The following COL12A1 variants were observed in gnomAD, a reference collection of about 807,000 sequenced individuals.
The protein encoded by COL12A1 is collagen type XII alpha 1 chain.
COL12A1 carries 114 observed loss-of-function variants against 349.7 expected under a neutral mutation model. That is an observed-to-expected ratio of 0.33 (90% CI 0.28 to 0.38). The LOEUF is 0.38. Among genes scored for constraint, COL12A1 ranks in the 10% least tolerant of loss-of-function variants. COL12A1 has a pLI of 1.00. For missense variants in COL12A1, 3,284 were observed against 3,756.9 expected, an observed-to-expected ratio of 0.87 and a Z score of 3.29; for synonymous variants, 1,369 against 1,329.0, an observed-to-expected ratio of 1.03 and a Z score of -0.66.
At chr6:75,176,389 T>G (rs1397458568) in intron 12 of COL12A1, among the ~76,000 whole-genome samples, 7 of 59,836 alleles carry the variant, frequency 1.2e-4, no homozygotes, top group South Asian at 5.1e-4. Context: ...AGTGATGCAG[T>G]GGGAGGTGGG....
chr6:75,187,575 G>A (rs188557368), intron 8 of COL12A1, among the ~76,000 whole-genome samples: 74 of 152,074 alleles, frequency 4.9e-4, no homozygotes, highest in Non-Finnish European at 9.0e-4. Context: ...GATAGATTGA[G>A]AGCCCATGAA....
chr6:75,116,455 C>CA (rs1769084384), intron 47 of COL12A1, among the ~76,000 whole-genome samples: 1 of 152,108 alleles, frequency 6.6e-6, no homozygotes, highest in Non-Finnish European at 1.5e-5. Flanking sequence ...CCAAGCCTCA[C>CA]ACTGGCTACC....
At position 75,086,412 on chromosome 6, in the gene COL12A1, C is replaced by A; in HGVS notation, c.*135G>T. 1.6e-6 allele frequency: 1 copy of A among 635,188 alleles called. No individual in the cohort carries two copies. Among genetic ancestry groups the A allele is most frequent in the Non-Finnish European group, 2.6e-6 (1 of 383,426 alleles). The allele number at this position is 635,188 out of a possible 1,614,324, so 39.3% of individuals were successfully genotyped here. A position where few individuals can be genotyped will look rare whatever the true frequency, so the allele number is the denominator to read the frequency against. On this transcript the variant is annotated 3_prime_UTR_variant, in exon 66 of 66. Coordinates refer to ENST00000322507, the MANE Select transcript of COL12A1 (RefSeq NM_004370.6). ...TCTCCACCCTCCTTTGTGATGTCGA[C>A]CCGGTTCGTTAACCATTATCTGTGG...
intron 51 of COL12A1, among the ~76,000 whole-genome samples, chr6:75,110,362 A>G (rs1768774960): frequency 1.3e-5 from 2 of 152,090 alleles, no homozygotes; most frequent in South Asian, 4.1e-4. Flanking sequence ...ATTGAATGCT[A>G]ACCATAGAGA....
chr6:75,102,729 G>A (rs769166206), intron 55 of COL12A1, 37 bp from the exon 56 acceptor site: 2 of 1,349,240 alleles, frequency 1.5e-6, no homozygotes, highest in Admixed American at 2.7e-5. Flanking sequence ...ACAAAGTAAT[G>A]TAATACCTTT....
At chr6:75,134,911 C>T (rs968270641) in intron 31 of COL12A1, 56 bp from the exon 32 acceptor site, 2 of 1,553,184 alleles carry the variant, frequency 1.3e-6, no homozygotes, top group African/African-American at 2.7e-5. Flanking sequence ...TCTCACTAAT[C>T]TGTTAGAAAA....
At chr6:75,188,842 A>G (rs944175337) in intron 7 of COL12A1, among the ~76,000 whole-genome samples, 2 of 152,136 alleles carry the variant, frequency 1.3e-5, no homozygotes, top group African/African-American at 2.4e-5. Flanking sequence ...TTTTTCTTCC[A>G]GAGTCCTCAA....
At chr6:75,175,415 T>A in intron 12 of COL12A1, 105 bp from the exon 13 acceptor site, 1 of 1,312,990 alleles carries the variant, frequency 7.6e-7, no homozygotes, top group Admixed American at 2.6e-5. Context: ...CAAAGTTATA[T>A]CCTGGGTGAG....
intron 28 of COL12A1, 76 bp downstream of exon 28, chr6:75,138,746 A>G (rs1424250531): frequency 1.3e-6 from 2 of 1,590,170 alleles, no homozygotes; most frequent in Admixed American, 1.7e-5. Context: ...CAAGAGTAAT[A>G]CTTCTTTGAA....
At position 75,183,590 on chromosome 6, in the gene COL12A1, T is replaced by C; in HGVS notation, c.1351A>G (p.Ile451Val). The C allele has an allele frequency of 6.2e-7, 1 of 1,614,114 alleles. No homozygotes were observed. Among genetic ancestry groups the C allele is most frequent in the African/African-American group, 1.3e-5 (1 of 75,048 alleles). Residue 451 changes from isoleucine (I) to valine (V), a missense_variant, in exon 10 of 66, where the codon ATT (isoleucine) becomes GTT (valine). Ile to Val is a conservative substitution (Grantham distance 29). Coordinates refer to ENST00000322507, the MANE Select transcript of COL12A1 (RefSeq NM_004370.6). ...IVFLVDGSYSIGIANFVKVRA... is the reference protein window; with the variant it reads ...IVFLVDGSYSVGIANFVKVRA... ...ACTTTAACAAAGTTTGCAATCCCAATGCTATAGGAGCCATCAACCAAAAAC... is the reference window on the plus strand; with the variant it reads ...ACTTTAACAAAGTTTGCAATCCCAACGCTATAGGAGCCATCAACCAAAAAC...
Position 75,130,081 on chromosome 6 carries a change from T to A in COL12A1, c.6210+10A>T, listed in dbSNP as rs766320944. Reference sequence around the variant, plus strand: ...GATAAAATGTGCCAATAAATGAGTATCAGACTTACATATTCATCAATTGGA... The same window carrying A: ...GATAAAATGTGCCAATAAATGAGTAACAGACTTACATATTCATCAATTGGA... On this transcript the variant is annotated intron_variant, in intron 37 of 65. Coordinates refer to ENST00000322507, the MANE Select transcript of COL12A1 (RefSeq NM_004370.6). 6.2e-6 allele frequency: 10 copies of A among 1,611,818 alleles called. No homozygotes were observed. The highest frequency in any genetic ancestry group is 8.5e-6 in the Non-Finnish European group (10 of 1,179,364).
chr6:75,117,331 A>C (rs765542488), intron 47 of COL12A1, 51 bp downstream of exon 47: 1 of 1,578,214 alleles, frequency 6.3e-7, no homozygotes, highest in Non-Finnish European at 8.7e-7. Flanking sequence ...CTACTAAGTA[A>C]TTGTTTTTCA....
chr6:75,087,854 T>A lies in COL12A1; in HGVS notation c.9011-107A>T. The A allele has an allele frequency of 3.4e-6, 4 of 1,160,338 alleles. No individual in the cohort carries two copies. The South Asian group carries it at 5.7e-5, about 17-fold the overall frequency. 71.9% of individuals were successfully genotyped at this position (1,160,338 alleles called of 1,614,324 possible). A position where few individuals can be genotyped will look rare whatever the true frequency, so the allele number is the denominator to read the frequency against. On this transcript the variant is annotated intron_variant, in intron 64 of 65. Transcript: ENST00000322507. Reference sequence around the variant, plus strand: ...CTCCACTGTCTCAAAATTAGACAATTTACTATTGTATGGTAAGAAAATGTT... The same window carrying A: ...CTCCACTGTCTCAAAATTAGACAATATACTATTGTATGGTAAGAAAATGTT...
intron 2 of COL12A1, among the ~76,000 whole-genome samples, chr6:75,202,071 C>A (rs1770556302): frequency 6.6e-6 from 1 of 152,176 alleles, no homozygotes; most frequent in African/African-American, 2.4e-5. Flanking sequence ...AGGCCACGCG[C>A]CTTGGAGCCC....
At chr6:75,166,107 A>G (rs538009331) in intron 13 of COL12A1, among the ~76,000 whole-genome samples, 11 of 152,240 alleles carry the variant, frequency 7.2e-5, no homozygotes, top group Admixed American at 2.0e-4. Flanking sequence ...AAAAAAATGT[A>G]TCTAAGTCCC....
At chr6:75,164,059 T>C (rs778948598) in intron 14 of COL12A1, among the ~76,000 whole-genome samples, 1 of 152,172 alleles carries the variant, frequency 6.6e-6, no homozygotes, top group Non-Finnish European at 1.5e-5. Flanking sequence ...TCCTCAAAAG[T>C]AGAGAATGAA....
At chr6:75,154,591 G>A (rs959350862) in intron 16 of COL12A1, 54 bp from the exon 17 acceptor site, 11 of 1,511,966 alleles carry the variant, frequency 7.3e-6, no homozygotes, top group Non-Finnish European at 7.1e-6. Context: ...TCAAGTGGTA[G>A]CACTTTTTTT....
chr6:75,163,283 C>T (rs1359105614), intron 14 of COL12A1, among the ~76,000 whole-genome samples: 1 of 152,102 alleles, frequency 6.6e-6, no homozygotes, highest in African/African-American at 2.4e-5. Context: ...CAGTGACAGA[C>T]TGGATAAAGA....
intron 25 of COL12A1, among the ~76,000 whole-genome samples, chr6:75,144,828 G>A (rs950188853): frequency 5.3e-5 from 8 of 152,182 alleles, no homozygotes; most frequent in African/African-American, 1.9e-4. Flanking sequence ...TGGGTAAATT[G>A]ATTAATTCAC....
Sources: allele counts gnomAD v4.1 joint callset (sites outside exome capture counted in the v4.1 genomes callset), GRCh38; gene constraint gnomAD v4.1.1; transcripts MANE v1.5; gene names NCBI Gene and HGNC (gene_info 2026-07-23, HGNC 2026-07-21).